Variants in CMTM4 observed in about 807,000 individuals in gnomAD.
CMTM4 encodes CKLF like MARVEL transmembrane domain containing 4, also known as CKLF-like MARVEL transmembrane domain-containing protein 4.
Under a neutral mutation model 19.0 loss-of-function variants are expected in CMTM4, and 8 were observed. The observed-to-expected ratio is 0.42, with a 90% CI of 0.25 to 0.76. The LOEUF (loss-of-function observed/expected upper bound fraction) is 0.76, where lower values mean the gene tolerates loss of function less well. CMTM4 is among the 30% of genes least tolerant of loss of function. The pLI, the probability that CMTM4 is intolerant of heterozygous loss-of-function variation, is 0.27. For synonymous variants in CMTM4, 106 were observed against 121.1 expected (o/e 0.88, Z 0.82); for missense variants, 228 against 290.2 (o/e 0.79, Z 1.56).
chr16:66,603,046 A>G, the CMTM4 span, among the ~76,000 whole-genome samples: 4 of 152,210 alleles, frequency 2.6e-5, no homozygotes, highest in African/African-American at 9.6e-5. Context: ...GGGTTAAGGA[A>G]CCAGTTCCAG....
At chr16:66,610,023 A>G (rs760190328), downstream of CMTM4, 1 of 1,612,896 alleles carries the variant, frequency 6.2e-7, no homozygotes, top group East Asian at 2.2e-5. This position sits in a 1 kb window ranked among gnomAD's most constrained non-coding sequence, Gnocchi z 4.6. Context: ...TGCCCTGATC[A>G]CCCCAGCAGT....
At chr16:66,610,372 C>G (rs1437611172), downstream of CMTM4, among the ~76,000 whole-genome samples, 2 of 152,154 alleles carry the variant, frequency 1.3e-5, no homozygotes, top group East Asian at 1.9e-4. This position sits in a 1 kb window ranked among gnomAD's most constrained non-coding sequence, Gnocchi z 4.6. Flanking sequence ...CCATCCAGGC[C>G]TGTCCTGGGA....
chr16:66,619,892 C>T lies in CMTM4; in HGVS notation c.*2166G>A, dbSNP rs1264511787. 8.2e-5 allele frequency: 81 copies of T among 985,300 alleles called. No individual in the cohort carries two copies. Among genetic ancestry groups the T allele is most frequent in the Non-Finnish European group, 9.6e-5 (80 of 829,936 alleles). The allele number at this position is 985,300 out of a possible 1,614,324, so 61.0% of individuals were successfully genotyped here. ...AATTAACTCCTAAGTCACTCTCTGG[C>T]GTGTCATCCTTTTTGGTCATTCATC... On this transcript the variant is annotated 3_prime_UTR_variant, in exon 4 of 4. Coordinates refer to ENST00000394106, the MANE Select transcript of CMTM4 (RefSeq NM_181521.3).
chr16:66,663,310 G>T (rs550615127), intron 1 of CMTM4, among the ~76,000 whole-genome samples: 3 of 152,250 alleles, frequency 2.0e-5, no homozygotes, highest in South Asian at 4.1e-4. Flanking sequence ...TGACACAGTT[G>T]TTGGAATTAT....
chr16:66,646,045 C>T (rs942402848), intron 1 of CMTM4, among the ~76,000 whole-genome samples: 2 of 152,038 alleles, frequency 1.3e-5, no homozygotes, highest in African/African-American at 4.8e-5. Context: ...CATCTACATA[C>T]AGTAAGAAAC....
At chr16:66,680,861 A>G (rs1026216475) in intron 1 of CMTM4, among the ~76,000 whole-genome samples, 2 of 146,814 alleles carry the variant, frequency 1.4e-5, no homozygotes, top group Non-Finnish European at 3.0e-5. Context: ...TTCCATCTCC[A>G]CTGCCAAAAG....
Position 66,620,691 on chromosome 16 carries a change from CAGTA to C in CMTM4, c.*1363_*1366del, listed in dbSNP as rs1277820806. On this transcript the variant is annotated 3_prime_UTR_variant, in exon 4 of 4. Transcript: ENST00000394106. ...ATGTTACTGCAAAATCTTCCTGCCA[CAGTA>C]AGTGCTTTTTGGTGAGGGCTAAACA... The C allele has an allele frequency of 9.1e-6, 9 of 985,776 alleles. No homozygotes were observed. Among genetic ancestry groups the C allele is most frequent in the Non-Finnish European group, 1.1e-5 (9 of 829,938 alleles). The allele number at this position is 985,776 out of a possible 1,614,324, so 61.1% of individuals were successfully genotyped here.
chr16:66,696,736 G>C lies in CMTM4; in HGVS notation c.-211C>G, dbSNP rs2017247628. The C allele has an allele frequency of 6.7e-6, 1 of 149,894 alleles. No individual in the cohort carries two copies. Among genetic ancestry groups the C allele is most frequent in the African/African-American group, 2.4e-5 (1 of 40,976 alleles). 9.3% of individuals were successfully genotyped at this position (149,894 alleles called of 1,614,324 possible). On this transcript the variant is annotated 5_prime_UTR_variant, in exon 1 of 4. Coordinates refer to ENST00000394106, the MANE Select transcript of CMTM4 (RefSeq NM_181521.3). The surrounding 1 kb of genome is among the most constrained non-coding windows in gnomAD (Gnocchi z 4.3). The stretch of plus-strand genomic sequence containing the variant: ...GCTCGGCTCCCGCCGCCTCGGCAGC[G>C]GAAAGGGAGGGAGGTGGGAGCCAGG...
chr16:66,679,165 T>C (rs2016862422), intron 1 of CMTM4, among the ~76,000 whole-genome samples: 1 of 151,810 alleles, frequency 6.6e-6, no homozygotes, highest in Admixed American at 6.6e-5. Context: ...GTGCCAATAC[T>C]CTGTATTCGC....
rs1425292279 is a variant in CMTM4, at chr16:66,641,364, T to C, written c.187-4783A>G. ...TGTCTTGTTTTAAGTCACAAAGTTTTAAGGTAATTAGTTATGCAGCAATAA... is the reference window on the plus strand; with the variant it reads ...TGTCTTGTTTTAAGTCACAAAGTTTCAAGGTAATTAGTTATGCAGCAATAA... On this transcript the variant is annotated intron_variant, in intron 1 of 3. Transcript: ENST00000394106. Among the ~76,000 whole-genome samples the C allele has an allele frequency of 2.0e-5, 3 of 152,194 alleles. No homozygotes were observed. The East Asian group carries it at 5.8e-4, about 29-fold the overall frequency.
intron 1 of CMTM4, among the ~76,000 whole-genome samples, chr16:66,649,364 G>A (rs1481116724): frequency 6.6e-6 from 1 of 152,056 alleles, no homozygotes; most frequent in Non-Finnish European, 1.5e-5. Flanking sequence ...TGCCAGGCAC[G>A]ATCCTAACTC....
intron 1 of CMTM4, among the ~76,000 whole-genome samples, chr16:66,677,816 C>T (rs1007798423): frequency 1.3e-5 from 2 of 152,026 alleles, no homozygotes; most frequent in African/African-American, 4.8e-5. Flanking sequence ...ATTCTCCTGT[C>T]CCAGCCTCCT....
intron 1 of CMTM4, among the ~76,000 whole-genome samples, chr16:66,643,844 T>G (rs1045157289): frequency 2.0e-5 from 3 of 152,056 alleles, no homozygotes; most frequent in African/African-American, 7.2e-5. Flanking sequence ...ACCTCTGCCT[T>G]CCGGGTTCAA....
chr16:66,617,389 A>G lies in CMTM4; in HGVS notation c.*4669T>C, dbSNP rs907566000. The G allele has an allele frequency of 3.7e-6, 6 of 1,607,902 alleles. No individual in the cohort carries two copies. The Admixed American group carries it at 5.1e-5, about 14-fold the overall frequency. Reference sequence around the variant, plus strand: ...AAGGAAAAAAAAATCCCAAAGGTTGAAAAACTGTATCCAAATGGAAAAAGA... The same window carrying G: ...AAGGAAAAAAAAATCCCAAAGGTTGGAAAACTGTATCCAAATGGAAAAAGA... On this transcript the variant is annotated 3_prime_UTR_variant, in exon 4 of 4. Coordinates refer to ENST00000394106, the MANE Select transcript of CMTM4 (RefSeq NM_181521.3).
rs35837672 is a variant in CMTM4, at chr16:66,622,199, C to T, written c.486G>A (p.Ala162=). 51,522 of 1,613,736 alleles carry T rather than the reference C, an allele frequency of 0.032. 1,945 individuals are homozygous for T. Among genetic ancestry groups the T allele is most frequent in the East Asian group, 0.15 (6,518 of 44,870 alleles). The change falls in exon 4 of 4, where the codon GCG becomes GCA. Residue 162 remains alanine, a synonymous_variant. Transcript: ENST00000394106. This position sits in a 1 kb window ranked among gnomAD's most constrained non-coding sequence, Gnocchi z 4.0. The part of the protein sequence containing the change: ...AAVIFGFLAT[A]AYAVNTFLAV... Reference sequence around the variant, plus strand: ...CCAGGAATGTGTTCACTGCATATGCCGCAGTCGCCAAGAAGCCAAATATCT... The same window carrying T: ...CCAGGAATGTGTTCACTGCATATGCTGCAGTCGCCAAGAAGCCAAATATCT...
chr16:66,630,050 C>T (rs2015818738), intron 2 of CMTM4, among the ~76,000 whole-genome samples: 2 of 152,132 alleles, frequency 1.3e-5, no homozygotes, highest in Admixed American at 6.5e-5. Flanking sequence ...TGGTGGAAAC[C>T]ATCGAATCTG....
chr16:66,638,674 C>T (rs1336999656), intron 1 of CMTM4, among the ~76,000 whole-genome samples: 3 of 152,050 alleles, frequency 2.0e-5, no homozygotes, highest in African/African-American at 7.2e-5. Flanking sequence ...GCCTGATTAA[C>T]ACGGTGAAAC....
At chr16:66,610,387 CAG>C (rs2015331992), downstream of CMTM4, among the ~76,000 whole-genome samples, 1 of 152,168 alleles carries the variant, frequency 6.6e-6, no homozygotes, top group Non-Finnish European at 1.5e-5. This position sits in a 1 kb window ranked among gnomAD's most constrained non-coding sequence, Gnocchi z 4.6. Context: ...CTGGGAAGCT[CAG>C]AGCCCAGAAA....
At chr16:66,670,797 T>C (rs909199384) in intron 1 of CMTM4, among the ~76,000 whole-genome samples, 8 of 139,868 alleles carry the variant, frequency 5.7e-5, no homozygotes, top group Non-Finnish European at 1.2e-4. Context: ...AGACTCCATA[T>C]AAAAAAAAAA....
Sources: allele counts gnomAD v4.1 joint callset (sites outside exome capture counted in the v4.1 genomes callset), GRCh38; gene constraint gnomAD v4.1.1; non-coding constraint Gnocchi (gnomAD v3.1); transcripts MANE v1.5; gene names NCBI Gene and HGNC (gene_info 2026-07-23, HGNC 2026-07-21).